PHACTR1: variants seen among roughly 807,000 people sequenced by gnomAD.
PHACTR1 encodes the protein RPEL repeat containing 1.
In PHACTR1, 16 loss-of-function variants were observed where a neutral mutation model predicts 69.2. The observed-to-expected ratio is 0.23, with a 90% confidence interval of 0.16 to 0.35. PHACTR1 has a LOEUF of 0.35. Ranked by LOEUF, PHACTR1 falls within the 10% of genes least tolerant of loss-of-function variation. The pLI is 1.00. For synonymous variants in PHACTR1, 312 were observed against 284.5 expected, an observed-to-expected ratio of 1.10 and a Z score of -0.97; for missense variants, 510 against 734.7, an observed-to-expected ratio of 0.69 and a Z score of 3.54.
intron 4 of PHACTR1, among the ~76,000 whole-genome samples, chr6:12,857,176 A>G (rs4714931): frequency 0.1 from 15,529 of 152,160 alleles, 878 homozygotes; most frequent in East Asian, 0.19. Context: ...TATTTTTCCT[A>G]TGAGGTGTTT....
chr6:12,824,390 A>G (rs1776556266), intron 4 of PHACTR1, among the ~76,000 whole-genome samples: 2 of 152,234 alleles, frequency 1.3e-5, no homozygotes, highest in African/African-American at 4.8e-5. Flanking sequence ...ATGCACTTGA[A>G]TCATCCCAAA....
chr6:12,759,673 T>C (rs1430775845), intron 4 of PHACTR1, among the ~76,000 whole-genome samples: 1 of 152,158 alleles, frequency 6.6e-6, no homozygotes, highest in Non-Finnish European at 1.5e-5. Flanking sequence ...ATCCAACCCA[T>C]GGATTATATT....
chr6:12,999,665 T>C (rs1253266163), intron 4 of PHACTR1, among the ~76,000 whole-genome samples: 1 of 152,132 alleles, frequency 6.6e-6, no homozygotes, highest in African/African-American at 2.4e-5. Flanking sequence ...TCTTAAAGTG[T>C]GATACCAAGT....
chr6:12,996,481 TAA>T (rs1332268787), intron 4 of PHACTR1, among the ~76,000 whole-genome samples: 2 of 152,154 alleles, frequency 1.3e-5, no homozygotes, highest in African/African-American at 4.8e-5. Flanking sequence ...ATTTTCTAGA[TAA>T]ACTATAAACT....
chr6:13,061,311 T>A (rs2127752230), intron 5 of PHACTR1, among the ~76,000 whole-genome samples: 1 of 152,324 alleles, frequency 6.6e-6, no homozygotes, highest in African/African-American at 2.4e-5. Flanking sequence ...GATTGGGACT[T>A]GGATGTATCT....
chr6:13,127,406 A>G (rs1403485487), intron 5 of PHACTR1, among the ~76,000 whole-genome samples: 1 of 152,086 alleles, frequency 6.6e-6, no homozygotes, highest in African/African-American at 2.4e-5. Context: ...ATCTCTAACA[A>G]CAACAACAAA....
At chr6:12,916,376 G>C (rs1443979213) in intron 4 of PHACTR1, among the ~76,000 whole-genome samples, 1 of 152,060 alleles carries the variant, frequency 6.6e-6, no homozygotes, top group Non-Finnish European at 1.5e-5. Context: ...ACTTCTATTT[G>C]TCCTTCAATT....
At chr6:12,953,886 T>C (rs370518265) in intron 4 of PHACTR1, among the ~76,000 whole-genome samples, 3 of 152,196 alleles carry the variant, frequency 2.0e-5, no homozygotes, top group Admixed American at 2.0e-4. Context: ...GGTGAATTCA[T>C]AGGTAAATGA....
intron 4 of PHACTR1, among the ~76,000 whole-genome samples, chr6:12,843,103 G>C (rs1049723179): frequency 6.6e-6 from 1 of 152,116 alleles, no homozygotes; most frequent in Non-Finnish European, 1.5e-5. Flanking sequence ...GTGGGAACTA[G>C]GACTCTTTTC....
chr6:13,118,649 T>C (rs1380985395), intron 5 of PHACTR1, among the ~76,000 whole-genome samples: 1 of 152,032 alleles, frequency 6.6e-6, no homozygotes, highest in African/African-American at 2.4e-5. Flanking sequence ...CAGCTAATTT[T>C]TGTATTTTTA....
intron 5 of PHACTR1, among the ~76,000 whole-genome samples, chr6:13,103,999 G>T (rs765170908): frequency 6.6e-6 from 1 of 152,154 alleles, no homozygotes; most frequent in African/African-American, 2.4e-5. Flanking sequence ...CAGGAAAATC[G>T]CCTGAACCCG....
At chr6:12,947,850 A>T (rs762327983) in intron 4 of PHACTR1, among the ~76,000 whole-genome samples, 4 of 152,250 alleles carry the variant, frequency 2.6e-5, no homozygotes, top group African/African-American at 4.8e-5. Flanking sequence ...TGAAAACTTT[A>T]TGAGGCAGAA....
chr6:12,946,021 C>T (rs1275799244), intron 4 of PHACTR1, among the ~76,000 whole-genome samples: 2 of 149,436 alleles, frequency 1.3e-5, no homozygotes, highest in Non-Finnish European at 3.0e-5. Flanking sequence ...ATGAAACCTC[C>T]AAGGCGGGGG....
intron 5 of PHACTR1, among the ~76,000 whole-genome samples, chr6:13,155,182 T>G (rs2113488431): frequency 6.6e-6 from 1 of 152,320 alleles, no homozygotes. Flanking sequence ...CTGTTCTTTG[T>G]GCAAGAGCAT....
intron 4 of PHACTR1, among the ~76,000 whole-genome samples, chr6:13,048,631 T>A (rs1805466439): frequency 6.6e-6 from 1 of 151,590 alleles, no homozygotes; most frequent in African/African-American, 2.4e-5. Context: ...GCCTCCTGGG[T>A]TCAAGCAGTT....
At chr6:13,090,410 C>T (rs1392579827) in intron 5 of PHACTR1, among the ~76,000 whole-genome samples, 2 of 151,972 alleles carry the variant, frequency 1.3e-5, no homozygotes, top group Non-Finnish European at 2.9e-5. Context: ...ACTGCAACCT[C>T]TGCCTCCCAG....
At chr6:12,856,184 C>T (rs973195140) in intron 4 of PHACTR1, among the ~76,000 whole-genome samples, 7 of 152,156 alleles carry the variant, frequency 4.6e-5, no homozygotes, top group Admixed American at 2.0e-4. Context: ...CATTAAGTCA[C>T]TGTCTACTTA....
At chr6:12,985,936 A>G (rs1024229828) in intron 4 of PHACTR1, among the ~76,000 whole-genome samples, 13 of 151,882 alleles carry the variant, frequency 8.6e-5, no homozygotes, top group Non-Finnish European at 1.5e-4. Flanking sequence ...CCCAGGTTCA[A>G]GTGATTCTCC....
At chr6:12,768,635 G>A (rs1241285177) in intron 4 of PHACTR1, among the ~76,000 whole-genome samples, 1 of 152,118 alleles carries the variant, frequency 6.6e-6, no homozygotes, top group African/African-American at 2.4e-5. Flanking sequence ...TGCCACTGCA[G>A]TAAACATGGG....
Sources: allele counts gnomAD v4.1 joint callset (sites outside exome capture counted in the v4.1 genomes callset), GRCh38; gene constraint gnomAD v4.1.1; transcripts MANE v1.5; gene names NCBI Gene and HGNC (gene_info 2026-07-23, HGNC 2026-07-21).